TOGARAM1: variants seen among roughly 807,000 people sequenced by gnomAD.
TOGARAM1 encodes the protein TOG array regulator of axonemal microtubules 1, also known as TOG array regulator of axonemal microtubules protein 1.
In TOGARAM1, 100 loss-of-function variants were observed where a neutral mutation model predicts 166.6. The observed-to-expected ratio is 0.60, with a 90% confidence interval of 0.51 to 0.71. The LOEUF is 0.71. TOGARAM1 is among the 30% of genes least tolerant of loss of function. TOGARAM1 has a pLI of 0.00. For missense variants in TOGARAM1, 2,029 were observed against 2,102.7 expected (o/e 0.96, Z 0.69); for synonymous variants, 758 against 763.8 (o/e 0.99, Z 0.13).
intron 7 of TOGARAM1, among the ~76,000 whole-genome samples, chr14:45,018,565 A>G (rs1225456139): frequency 1.3e-5 from 2 of 152,176 alleles, no homozygotes; most frequent in Non-Finnish European, 2.9e-5. Context: ...ATTATCTTAA[A>G]TTATGTATGA....
At chr14:45,070,833 TTC>T (rs1439901472) in intron 18 of TOGARAM1, among the ~76,000 whole-genome samples, 2 of 152,318 alleles carry the variant, frequency 1.3e-5, no homozygotes, top group South Asian at 4.1e-4. Flanking sequence ...CTTTGTAAAT[TTC>T]TCTGTTTCTA....
At chr14:45,013,359 C>T (rs1432601003) in intron 7 of TOGARAM1, among the ~76,000 whole-genome samples, 1 of 152,156 alleles carries the variant, frequency 6.6e-6, no homozygotes, top group Non-Finnish European at 1.5e-5. Flanking sequence ...TCTTGATCCC[C>T]AAAGATTATT....
chr14:44,978,815 G>C (rs1267631445), intron 1 of TOGARAM1, among the ~76,000 whole-genome samples: 1 of 149,052 alleles, frequency 6.7e-6, no homozygotes, highest in Non-Finnish European at 1.5e-5. Context: ...TTAAAAAAAA[G>C]AGAAAAAAAA....
At chr14:45,006,413 T>A (rs1879434942) in intron 5 of TOGARAM1, 146 bp downstream of exon 5, 6 of 598,718 alleles carry the variant, frequency 1.0e-5, no homozygotes, top group Non-Finnish European at 1.7e-5. Flanking sequence ...GAAAATACCA[T>A]GAATTAGTAG....
chr14:45,009,661 T>A (rs1205590060), intron 6 of TOGARAM1, among the ~76,000 whole-genome samples: 3 of 152,216 alleles, frequency 2.0e-5, no homozygotes, highest in Non-Finnish European at 4.4e-5. Context: ...GCAGTAGTGC[T>A]GGACTTAAAG....
rs919946625 is a variant in TOGARAM1, at chr14:44,974,789, C to G, written c.2046+10322C>G. 1.2e-4 allele frequency among the ~76,000 whole-genome samples: 19 copies of G among 152,052 alleles called. 3 individuals are homozygous for G. The highest frequency in any genetic ancestry group is 3.9e-4 in the African/African-American group (16 of 41,482). Reference sequence around the variant, plus strand: ...GTGTGTCTGGAAAAAAAAGTTAATACAACATTCCTGCCATATCTGATGCTG... The same window carrying G: ...GTGTGTCTGGAAAAAAAAGTTAATAGAACATTCCTGCCATATCTGATGCTG... On this transcript the variant is annotated intron_variant, in intron 1 of 19. Coordinates refer to ENST00000361462, the MANE Select transcript of TOGARAM1 (RefSeq NM_001308120.2).
intron 10 of TOGARAM1, among the ~76,000 whole-genome samples, 177 bp from the exon 11 acceptor site, chr14:45,032,046 G>A (rs1175461160): frequency 2.6e-5 from 4 of 152,152 alleles, no homozygotes; most frequent in Middle Eastern, 3.2e-3. Context: ...TGTAGTCCCA[G>A]CTACTTGCGA....
rs569288330 is a variant in TOGARAM1 at position 45,069,948 on chromosome 14, C to T, written c.4969+1305C>T. Among the ~76,000 whole-genome samples the T allele has an allele frequency of 2.6e-5, 4 of 152,154 alleles. No individual in the cohort carries two copies. The South Asian group carries it at 6.2e-4, about 24-fold the overall frequency. On this transcript the variant is annotated intron_variant, in intron 18 of 19. Coordinates refer to ENST00000361462, the MANE Select transcript of TOGARAM1 (RefSeq NM_001308120.2). Reference sequence around the variant, plus strand: ...CTGTAATTGCAGCACTTTGGGAGGCCGAGGCAGGCAGATCACGAGGTCAGG... The same window carrying T: ...CTGTAATTGCAGCACTTTGGGAGGCTGAGGCAGGCAGATCACGAGGTCAGG...
intron 1 of TOGARAM1, among the ~76,000 whole-genome samples, chr14:44,986,412 C>T (rs751072091): frequency 6.6e-6 from 1 of 152,048 alleles, no homozygotes; most frequent in African/African-American, 2.4e-5. Context: ...ACCTCAGCCT[C>T]CCGAGTAGCT....
intron 16 of TOGARAM1, among the ~76,000 whole-genome samples, chr14:45,058,764 G>A (rs182637163): frequency 6.6e-6 from 1 of 152,248 alleles, no homozygotes; most frequent in East Asian, 1.9e-4. Flanking sequence ...TGATATGTGA[G>A]ATTTTGTTCC....
At chr14:45,040,917 T>C (rs1881692726) in intron 11 of TOGARAM1, among the ~76,000 whole-genome samples, 1 of 152,084 alleles carries the variant, frequency 6.6e-6, no homozygotes, top group Non-Finnish European at 1.5e-5. Context: ...CCCATGCCTG[T>C]AATCCCAGCT....
chr14:44,973,600 A>G (rs746557479), intron 1 of TOGARAM1, among the ~76,000 whole-genome samples: 5 of 151,202 alleles, frequency 3.3e-5, no homozygotes, highest in Non-Finnish European at 5.9e-5. Context: ...CTCTCTCTAT[A>G]TATACATATA....
intron 16 of TOGARAM1, among the ~76,000 whole-genome samples, chr14:45,063,479 GTTTTTTT>G (rs373702236): frequency 2.5e-5 from 3 of 118,688 alleles, no homozygotes; most frequent in East Asian, 4.7e-4. Flanking sequence ...ATTTGACAAA[GTTTTTTT>G]TTTTTTTTTT....
intron 6 of TOGARAM1, among the ~76,000 whole-genome samples, chr14:45,010,181 A>T (rs1385320485): frequency 6.6e-6 from 1 of 152,162 alleles, no homozygotes; most frequent in Admixed American, 6.5e-5. Flanking sequence ...TTCTAAATAG[A>T]TCATAATGTT....
chr14:44,988,720 T>A (rs907580475), intron 1 of TOGARAM1, among the ~76,000 whole-genome samples: 1 of 152,176 alleles, frequency 6.6e-6, no homozygotes, highest in African/African-American at 2.4e-5. Context: ...GAAGTAGAAG[T>A]AATAGTGTGT....
Position 44,963,343 on chromosome 14 carries a change from A to T in TOGARAM1, c.922A>T (p.Asn308Tyr). Reference protein sequence around the residue: ...RLPSALRRHYNRRLESQFGSQ... With the variant: ...RLPSALRRHYYRRLESQFGSQ... ...GCCCTCTGCCCTGAGGAGACACTAC[A>T]ATCGCCGCCTGGAGTCCCAGTTTGG... Residue 308 changes from asparagine to tyrosine, a missense_variant, in exon 1 of 20, where the codon AAT (asparagine) becomes TAT (tyrosine). Physicochemically the swap from Asn to Tyr is moderately radical, Grantham distance 143. Transcript: ENST00000361462. 6.2e-7 allele frequency: 1 copy of T among 1,614,128 alleles called. No individual in the cohort carries two copies. The highest frequency in any genetic ancestry group is 8.5e-7 in the Non-Finnish European group (1 of 1,180,026).
intron 16 of TOGARAM1, among the ~76,000 whole-genome samples, chr14:45,059,751 A>T (rs1352458242): frequency 6.6e-6 from 1 of 152,138 alleles, no homozygotes. Context: ...GGTATCTCTC[A>T]TATTTTCTGT....
chr14:45,012,093 A>T lies in TOGARAM1; in HGVS notation c.3238+18A>T, dbSNP rs76125956. On this transcript the variant is annotated intron_variant, in intron 7 of 19. Coordinates refer to ENST00000361462, the MANE Select transcript of TOGARAM1 (RefSeq NM_001308120.2). The stretch of plus-strand genomic sequence containing the variant: ...CAGTGCAGGTATTCTATGTCTGTTT[A>T]TAAAAATAATTTATAAAATATGATT... The T allele has an allele frequency of 3.2e-3, 4,557 of 1,411,692 alleles. 120 individuals carry two copies. In the African/African-American group the frequency reaches 0.057, roughly 18 times the overall value. The allele number at this position is 1,411,692 out of a possible 1,614,324, so 87.4% of individuals were successfully genotyped here.
At chr14:44,976,819 T>G (rs1265974447) in intron 1 of TOGARAM1, among the ~76,000 whole-genome samples, 2 of 152,214 alleles carry the variant, frequency 1.3e-5, no homozygotes, top group Admixed American at 6.5e-5. Flanking sequence ...ATGAAAGTGC[T>G]TCTTTGGTCC....
Sources: gnomAD v4.1 joint callset for allele counts (sites outside exome capture counted in the v4.1 genomes callset) on GRCh38, gnomAD v4.1.1 for gene constraint, MANE v1.5 for transcripts, NCBI Gene and HGNC (gene_info 2026-07-23, HGNC 2026-07-21) for gene names.